COL25A1: variants seen among roughly 807,000 people sequenced by gnomAD.
The protein encoded by COL25A1 is collagen type XXV alpha 1 chain, also known as collagen alpha-1(XXV) chain.
Under a neutral mutation model 128.4 loss-of-function variants are expected in COL25A1, and 103 were observed. The ratio of observed to expected loss-of-function variants is 0.80; its 90% CI spans 0.68 to 0.94. COL25A1 has a LOEUF of 0.94. Ranked by LOEUF, COL25A1 falls within the 40% of genes least tolerant of loss-of-function variation. The pLI is 0.00. For synonymous variants in COL25A1, 279 were observed against 277.2 expected (o/e 1.01, Z -0.06); for missense variants, 745 against 840.0 (o/e 0.89, Z 1.40).
intron 8 of COL25A1, among the ~76,000 whole-genome samples, chr4:108,972,789 G>A (rs1463180366): frequency 2.0e-5 from 3 of 152,142 alleles, no homozygotes; most frequent in East Asian, 3.9e-4. Context: ...TGGGTTTGTC[G>A]AAGTAGTTCA....
rs146258962 is a variant in COL25A1, at chr4:108,956,604, C to T, written c.493-15167G>A. ...TATTTTTAGTAGAGACGGGGTTTCA[C>T]CATGTTGGCCAGACTGGTCTCGAAC... On this transcript the variant is annotated intron_variant, in intron 8 of 37. Coordinates refer to ENST00000399132, the MANE Select transcript of COL25A1 (RefSeq NM_198721.4). Among the ~76,000 whole-genome samples, 944 of 152,264 alleles carry T rather than the reference C, an allele frequency of 6.2e-3. 8 individuals carry two copies. Among genetic ancestry groups the T allele is most frequent in the African/African-American group, 0.021 (887 of 41,554 alleles).
intron 3 of COL25A1, among the ~76,000 whole-genome samples, chr4:109,163,727 A>C (rs1443393861): frequency 6.6e-6 from 1 of 152,156 alleles, no homozygotes; most frequent in African/African-American, 2.4e-5. Context: ...ACTACTCCCA[A>C]TTCCTCATAT....
chr4:108,948,609 T>C (rs1749048700), intron 8 of COL25A1, among the ~76,000 whole-genome samples: 1 of 152,174 alleles, frequency 6.6e-6, no homozygotes, highest in South Asian at 2.1e-4. Context: ...TTCAAGTGGC[T>C]CGAAAAGTGA....
chr4:109,295,509 A>G (rs1185171482), intron 3 of COL25A1, among the ~76,000 whole-genome samples: 1 of 151,768 alleles, frequency 6.6e-6, no homozygotes, highest in East Asian at 1.9e-4. Context: ...TTTACCTTAC[A>G]TAATTGAAAA....
At chr4:109,147,341 G>T (rs1771039027) in intron 3 of COL25A1, among the ~76,000 whole-genome samples, 1 of 152,132 alleles carries the variant, frequency 6.6e-6, no homozygotes. Context: ...AAAAAAGGAG[G>T]CTTCACTTTG....
intron 3 of COL25A1, among the ~76,000 whole-genome samples, chr4:109,202,693 C>T (rs1776653887): frequency 6.6e-6 from 1 of 152,250 alleles, no homozygotes; most frequent in South Asian, 2.1e-4. Context: ...GGACAAGCCA[C>T]ATACTGGGAA....
Position 109,301,873 on chromosome 4 carries a change from G to A in COL25A1, c.147C>T (p.Cys49=), listed in dbSNP as rs1725584521. 3 of 1,614,210 alleles carry A rather than the reference G, an allele frequency of 1.9e-6. No homozygotes were observed. Among genetic ancestry groups the A allele is most frequent in the Admixed American group, 1.7e-5 (1 of 60,036 alleles). The stretch of plus-strand genomic sequence containing the variant: ...CGTTGGTTTTCACACCCAGGTACAG[G>A]CAAGACACCACGGCCACCACTGACA... The part of the protein sequence containing the change: ...ALLSVVAVVS[C]LYLGVKTNDL... Residue 49 remains cysteine, a synonymous_variant, in exon 2 of 38, where the codon TGC becomes TGT. Transcript: ENST00000399132.
intron 19 of COL25A1, among the ~76,000 whole-genome samples, chr4:108,874,138 G>A (rs1739147051): frequency 6.6e-6 from 1 of 152,316 alleles, no homozygotes; most frequent in Non-Finnish European, 1.5e-5. Context: ...GGAAGAAGGC[G>A]GGAGGAAGCA....
At chr4:109,297,862 C>CTTTTT (rs35099153) in intron 3 of COL25A1, among the ~76,000 whole-genome samples, 3,459 of 64,236 alleles carry the variant, frequency 0.054, 14 homozygotes, top group Non-Finnish European at 0.078. Flanking sequence ...TTTTCCTTTT[C>CTTTTT]TTTTTTTTTT....
intron 6 of COL25A1, among the ~76,000 whole-genome samples, chr4:108,990,578 G>T (rs962362539): frequency 4.0e-5 from 6 of 151,662 alleles, no homozygotes; most frequent in African/African-American, 1.5e-4. Flanking sequence ...TCTACTTTGA[G>T]GTTATTATTA....
At chr4:109,275,745 G>A (rs927762673) in intron 3 of COL25A1, among the ~76,000 whole-genome samples, 22 of 152,156 alleles carry the variant, frequency 1.4e-4, no homozygotes, top group Admixed American at 1.4e-3. Context: ...TAAAACTGGA[G>A]TGCAACATTA....
intron 3 of COL25A1, among the ~76,000 whole-genome samples, chr4:109,218,347 G>GGGTTT (rs1454448425): frequency 6.5e-5 from 5 of 76,388 alleles, no homozygotes; most frequent in African/African-American, 3.0e-4. Flanking sequence ...TCAATTGCTG[G>GGGTTT]TTTTTTGGGG....
intron 21 of COL25A1, 99 bp from the exon 22 acceptor site, chr4:108,862,644 TG>T: frequency 1.0e-6 from 1 of 955,218 alleles, no homozygotes; most frequent in Non-Finnish European, 1.7e-6. Flanking sequence ...TGAAGAAAAA[TG>T]GAAACACTTT....
At chr4:109,020,908 CT>C (rs1237769656) in intron 5 of COL25A1, among the ~76,000 whole-genome samples, 1 of 152,054 alleles carries the variant, frequency 6.6e-6, no homozygotes, top group Non-Finnish European at 1.5e-5. Context: ...ACAGATGGTC[CT>C]TAATTTATGA....
At chr4:109,011,929 C>G (rs1427956205) in intron 5 of COL25A1, among the ~76,000 whole-genome samples, 1 of 152,214 alleles carries the variant, frequency 6.6e-6, no homozygotes, top group Non-Finnish European at 1.5e-5. Context: ...TATACAGAAG[C>G]CAGTTCAGCA....
chr4:108,855,191 G>GTT (rs35873529), intron 24 of COL25A1, among the ~76,000 whole-genome samples: 7,790 of 131,806 alleles, frequency 0.059, 398 homozygotes, highest in African/African-American at 0.12. Flanking sequence ...TGTTGTTACT[G>GTT]TTTTTTTTTT....
chr4:109,269,382 G>A (rs375014655), intron 3 of COL25A1, among the ~76,000 whole-genome samples: 6,720 of 144,506 alleles, frequency 0.047, 412 homozygotes, highest in South Asian at 0.13. Context: ...GAATAATGCC[G>A]CAATAAACAT....
intron 3 of COL25A1, among the ~76,000 whole-genome samples, chr4:109,218,357 G>GTTTTTTTTTGTTTTGTTTT (rs1778166160): frequency 1.4e-5 from 1 of 73,530 alleles, no homozygotes; most frequent in South Asian, 7.1e-4. Flanking sequence ...GTTTTTTGGG[G>GTTTTTTTTTGTTTTGTTTT]TTTTTTTTTT....
At chr4:109,018,615 C>G (rs1024835177) in intron 5 of COL25A1, among the ~76,000 whole-genome samples, 1 of 152,204 alleles carries the variant, frequency 6.6e-6, no homozygotes, top group Non-Finnish European at 1.5e-5. Flanking sequence ...TCTACACTTG[C>G]AGCACCAGGG....
Sources: gnomAD v4.1 joint callset for allele counts (sites outside exome capture counted in the v4.1 genomes callset) on GRCh38, gnomAD v4.1.1 for gene constraint, MANE v1.5 for transcripts, NCBI Gene and HGNC (gene_info 2026-07-23, HGNC 2026-07-21) for gene names.